GNAQ: variants seen among roughly 807,000 people sequenced by gnomAD.
GNAQ encodes guanine nucleotide-binding protein G(q) subunit alpha.
Under a neutral mutation model 43.9 loss-of-function variants are expected in GNAQ, and 8 were observed. The ratio of observed to expected loss-of-function variants is 0.18; its 90% CI spans 0.11 to 0.33. The LOEUF (loss-of-function observed/expected upper bound fraction) is 0.33. Ranked by LOEUF, GNAQ falls within the 10% of genes least tolerant of loss-of-function variation. GNAQ has a pLI of 1.00. For missense variants in GNAQ, 158 were observed against 450.8 expected (o/e 0.35, Z 5.88); for synonymous variants, 155 against 170.7 (o/e 0.91, Z 0.71).
intron 2 of GNAQ, among the ~76,000 whole-genome samples, chr9:77,915,161 T>C (rs746732297): frequency 3.3e-5 from 5 of 152,254 alleles, no homozygotes; most frequent in Non-Finnish European, 5.9e-5. Flanking sequence ...AAAAGTGCTT[T>C]AAAGAAATTC....
intron 5 of GNAQ, among the ~76,000 whole-genome samples, chr9:77,777,811 CA>C (rs1333876571): frequency 6.6e-6 from 1 of 151,802 alleles, no homozygotes; most frequent in Non-Finnish European, 1.5e-5. Context: ...AAAAGAAAAA[CA>C]ATAACAAGTG....
intron 2 of GNAQ, among the ~76,000 whole-genome samples, chr9:77,888,965 T>A (rs1181882742): frequency 6.6e-6 from 1 of 152,164 alleles, no homozygotes; most frequent in Non-Finnish European, 1.5e-5. Context: ...ATTCTTCCCA[T>A]AAGCTTGAAC....
intron 2 of GNAQ, among the ~76,000 whole-genome samples, chr9:77,828,145 T>C (rs1827235633): frequency 1.4e-5 from 2 of 140,886 alleles, no homozygotes; most frequent in Admixed American, 7.2e-5. Flanking sequence ...GACAAACCAC[T>C]GCAGTTATAG....
chr9:77,782,056 G>C (rs1189719914), intron 5 of GNAQ, among the ~76,000 whole-genome samples: 2 of 152,028 alleles, frequency 1.3e-5, no homozygotes, highest in African/African-American at 2.4e-5. Flanking sequence ...TACACAGATT[G>C]AGAAGGAAGA....
chr9:77,732,079 G>C (rs1825499228), intron 5 of GNAQ, among the ~76,000 whole-genome samples: 1 of 152,174 alleles, frequency 6.6e-6, no homozygotes, highest in South Asian at 2.1e-4. Flanking sequence ...GGAACGTGCA[G>C]AGTGTGAGGC....
intron 2 of GNAQ, among the ~76,000 whole-genome samples, chr9:77,918,233 T>C (rs1828943512): frequency 6.6e-6 from 1 of 152,190 alleles, no homozygotes; most frequent in Non-Finnish European, 1.5e-5. Context: ...CAAAAGCAAG[T>C]ACAAAGTTAT....
intron 5 of GNAQ, among the ~76,000 whole-genome samples, chr9:77,756,536 A>G (rs1326929536): frequency 6.6e-6 from 1 of 152,222 alleles, no homozygotes. Context: ...TACAAATGGA[A>G]TATGAGCAAA....
At chr9:77,758,760 G>A (rs141154408) in intron 5 of GNAQ, among the ~76,000 whole-genome samples, 2,089 of 152,192 alleles carry the variant, frequency 0.014, 50 homozygotes, top group African/African-American at 0.046. Flanking sequence ...GGTAGCTTAT[G>A]TATTTTTAAA....
At chr9:77,969,852 G>A (rs1430955359) in intron 1 of GNAQ, among the ~76,000 whole-genome samples, 1 of 152,178 alleles carries the variant, frequency 6.6e-6, no homozygotes, top group African/African-American at 2.4e-5. Context: ...CATGCATTCC[G>A]TAGACACAGA....
chr9:77,796,762 T>C (rs1826665681), intron 4 of GNAQ, among the ~76,000 whole-genome samples: 1 of 152,236 alleles, frequency 6.6e-6, no homozygotes, highest in South Asian at 2.1e-4. Context: ...AAATTTTGCA[T>C]TGGTACCAGA....
chr9:77,956,404 T>C (rs1347682691), intron 1 of GNAQ, among the ~76,000 whole-genome samples: 1 of 152,226 alleles, frequency 6.6e-6, no homozygotes, highest in Non-Finnish European at 1.5e-5. Flanking sequence ...AATGCCCAGC[T>C]TCCTTTTTCA....
At chr9:77,921,756 T>C (rs186238770) in intron 2 of GNAQ, among the ~76,000 whole-genome samples, 6 of 152,320 alleles carry the variant, frequency 3.9e-5, no homozygotes, top group Admixed American at 6.5e-5. Flanking sequence ...AGTTTTAGGT[T>C]GTTTTCACTC....
intron 5 of GNAQ, among the ~76,000 whole-genome samples, chr9:77,761,316 G>C (rs1826013273): frequency 7.3e-6 from 1 of 136,292 alleles, no homozygotes; most frequent in South Asian, 2.5e-4. Context: ...CCATCCGGGA[G>C]GGAGGTGGGG....
intron 3 of GNAQ, among the ~76,000 whole-genome samples, chr9:77,805,412 C>T (rs1015308512): frequency 8.6e-4 from 128 of 148,634 alleles, no homozygotes; most frequent in African/African-American, 3.0e-3. Flanking sequence ...TACTTTTTTT[C>T]TTTTTTTTTT....
chr9:77,761,311 CGGGA>C (rs1587903524), intron 5 of GNAQ, among the ~76,000 whole-genome samples: 3 of 115,824 alleles, frequency 2.6e-5, no homozygotes, highest in Non-Finnish European at 5.5e-5. Flanking sequence ...CCGCCCCATC[CGGGA>C]GGGAGGTGGG....
chr9:78,011,791 G>C (rs924847601), intron 1 of GNAQ, among the ~76,000 whole-genome samples: 4 of 152,144 alleles, frequency 2.6e-5, no homozygotes, highest in Non-Finnish European at 5.9e-5. Context: ...ACAGCAATTA[G>C]AGGGAAGCTA....
chr9:77,945,920 T>G (rs1822887070), intron 1 of GNAQ, among the ~76,000 whole-genome samples: 1 of 152,200 alleles, frequency 6.6e-6, no homozygotes, highest in Admixed American at 6.5e-5. Flanking sequence ...TTACATCCTC[T>G]AACTTTCCCA....
At chr9:78,007,713 A>T (rs1444461076) in intron 1 of GNAQ, among the ~76,000 whole-genome samples, 1 of 152,224 alleles carries the variant, frequency 6.6e-6, no homozygotes, top group African/African-American at 2.4e-5. Context: ...TAGCACTTTG[A>T]CAAATCAGGG....
rs112032259 is a variant in GNAQ, at chr9:77,746,385, G to A, written c.736-17718C>T. On this transcript the variant is annotated intron_variant, in intron 5 of 6. Transcript: ENST00000286548. Reference sequence around the variant, plus strand: ...TCCCAGGATGACAAATGTATAAAATGCAACGGAACAACCAGTCCTGATTAG... The same window carrying A: ...TCCCAGGATGACAAATGTATAAAATACAACGGAACAACCAGTCCTGATTAG... Among the ~76,000 whole-genome samples the A allele has an allele frequency of 5.7e-3, 862 of 152,238 alleles. 2 individuals carry two copies. Among genetic ancestry groups the A allele is most frequent in the African/African-American group, 0.02 (816 of 41,542 alleles).
Sources: gnomAD v4.1 joint callset for allele counts (sites outside exome capture counted in the v4.1 genomes callset) on GRCh38, gnomAD v4.1.1 for gene constraint, MANE v1.5 for transcripts, NCBI Gene and HGNC (gene_info 2026-07-23, HGNC 2026-07-21) for gene names.